The following TMEM196 variants were observed in gnomAD, a reference collection of about 807,000 sequenced individuals.
TMEM196 encodes transmembrane protein 196.
Under a neutral mutation model 20.0 loss-of-function variants are expected in TMEM196, and 17 were observed. The observed-to-expected ratio is 0.85, with a 90% CI of 0.58 to 1.27. The LOEUF is 1.27. Among genes scored for constraint, TMEM196 ranks in the 50% most tolerant of loss-of-function variants. The probability of loss-of-function intolerance (pLI) is 0.00; values close to 1 mark genes in which losing one functional copy is unlikely to be tolerated. For missense variants in TMEM196, 267 were observed against 223.0 expected (o/e 1.20, Z -1.26); for synonymous variants, 113 against 88.9 (o/e 1.27, Z -1.52).
At chr7:19,754,594 A>T (rs924729311) in intron 1 of TMEM196, among the ~76,000 whole-genome samples, 1 of 152,196 alleles carries the variant, frequency 6.6e-6, no homozygotes, top group Non-Finnish European at 1.5e-5. Flanking sequence ...GGTTTTGATG[A>T]AATTCTTTTC....
chr7:19,722,261 G>T, intron 4 of TMEM196, 127 bp from the exon 5 acceptor site: 1 of 699,318 alleles, frequency 1.4e-6, no homozygotes, highest in Non-Finnish European at 2.4e-6. Flanking sequence ...GAAAGACAAG[G>T]ATATTGCTGT....
intron 1 of TMEM196, among the ~76,000 whole-genome samples, chr7:19,738,368 TG>T (rs1300460685): frequency 2.0e-5 from 3 of 152,132 alleles, no homozygotes; most frequent in African/African-American, 7.2e-5. Context: ...TAGATACAGA[TG>T]GTTACATATA....
chr7:19,755,953 T>A (rs1785192334), intron 1 of TMEM196, among the ~76,000 whole-genome samples: 1 of 151,818 alleles, frequency 6.6e-6, no homozygotes, highest in African/African-American at 2.4e-5. Flanking sequence ...CGCTTGAACC[T>A]GGTGGGCAGA....
In TMEM196 at chr7:19,719,415, A is replaced by G. The variant is rs1464488407; in HGVS notation, c.*2713T>C. On this transcript the variant is annotated 3_prime_UTR_variant, in exon 5 of 5. Coordinates refer to ENST00000405844, the MANE Select transcript of TMEM196 (RefSeq NM_001363562.2). The stretch of plus-strand genomic sequence containing the variant: ...TGTGTGTGTATATACACATATGTGT[A>G]TGTATATGCATATATATACACACAT... The G allele has an allele frequency of 6.6e-6, 1 of 152,034 alleles. No homozygotes were observed. Among genetic ancestry groups the G allele is most frequent in the African/African-American group, 2.4e-5 (1 of 41,424 alleles). 9.4% of individuals were successfully genotyped at this position (152,034 alleles called of 1,614,324 possible). A position where few individuals can be genotyped will look rare whatever the true frequency, so the allele number is the denominator to read the frequency against.
At chr7:19,735,019 C>G (rs929594513) in intron 1 of TMEM196, among the ~76,000 whole-genome samples, 1 of 151,940 alleles carries the variant, frequency 6.6e-6, no homozygotes, top group African/African-American at 2.4e-5. Context: ...ATACCCCAGG[C>G]GGTTTTGGCA....
chr7:19,771,322 T>C (rs1464725757), intron 1 of TMEM196, among the ~76,000 whole-genome samples: 2 of 152,196 alleles, frequency 1.3e-5, no homozygotes, highest in Non-Finnish European at 1.5e-5. Flanking sequence ...GAATTCAATG[T>C]TAGGATTGAA....
chr7:19,728,954 C>A (rs1476144805), intron 2 of TMEM196, among the ~76,000 whole-genome samples: 2 of 152,206 alleles, frequency 1.3e-5, no homozygotes, highest in Non-Finnish European at 2.9e-5. Context: ...TGCTGCTTCG[C>A]AAAACTTGCT....
intron 1 of TMEM196, among the ~76,000 whole-genome samples, chr7:19,733,023 A>G (rs1452565558): frequency 3.3e-5 from 5 of 152,130 alleles, no homozygotes; most frequent in Non-Finnish European, 5.9e-5. Context: ...AGAAGATGGG[A>G]TGTTTAAATC....
chr7:19,762,136 C>T (rs574833937), intron 1 of TMEM196, among the ~76,000 whole-genome samples: 154 of 152,074 alleles, frequency 1.0e-3, no homozygotes, highest in African/African-American at 3.7e-3. Context: ...ATAAGGGGAA[C>T]TTTGAATTTG....
intron 1 of TMEM196, among the ~76,000 whole-genome samples, chr7:19,750,516 C>A (rs568047749): frequency 1.3e-5 from 2 of 152,086 alleles, no homozygotes; most frequent in Admixed American, 6.6e-5. Context: ...AACTCCTTAA[C>A]ACATGTCAGC....
At position 19,739,640 on chromosome 7, in the gene TMEM196, C is replaced by T. The variant is rs569090530; in HGVS notation, c.148-10202G>A. Among the ~76,000 whole-genome samples, 19 of 152,016 alleles carry T rather than the reference C, an allele frequency of 1.2e-4. No individual in the cohort carries two copies. The East Asian group carries it at 2.9e-3, about 23-fold the overall frequency. Reference sequence around the variant, plus strand: ...CTAATTTCCCTAATGTAAATGAACTCCTAAAAACTAATAAGGAAAAGATAA... The same window carrying T: ...CTAATTTCCCTAATGTAAATGAACTTCTAAAAACTAATAAGGAAAAGATAA... On this transcript the variant is annotated intron_variant, in intron 1 of 4. Coordinates refer to ENST00000405844, the MANE Select transcript of TMEM196 (RefSeq NM_001363562.2).
intron 1 of TMEM196, among the ~76,000 whole-genome samples, chr7:19,729,699 T>G (rs2128015858): frequency 6.6e-6 from 1 of 152,270 alleles, no homozygotes; most frequent in Non-Finnish European, 1.5e-5. Context: ...GTAAATGAAT[T>G]TAGAGCTTTG....
intron 1 of TMEM196, among the ~76,000 whole-genome samples, chr7:19,769,952 G>A (rs1002807817): frequency 3.0e-4 from 45 of 152,172 alleles, no homozygotes; most frequent in African/African-American, 1.1e-3. Context: ...TATTTAATTT[G>A]TTCCTTTTAA....
At chr7:19,762,815 A>G (rs530974441) in intron 1 of TMEM196, among the ~76,000 whole-genome samples, 6 of 152,306 alleles carry the variant, frequency 3.9e-5, no homozygotes, top group African/African-American at 1.4e-4. Flanking sequence ...CAGTGACCCT[A>G]GGGGATTAAG....
intron 1 of TMEM196, among the ~76,000 whole-genome samples, chr7:19,734,983 G>A (rs982040361): frequency 1.3e-5 from 2 of 152,058 alleles, no homozygotes; most frequent in African/African-American, 2.4e-5. Context: ...TGGAAAATAC[G>A]TTATTGAAAA....
intron 1 of TMEM196, among the ~76,000 whole-genome samples, chr7:19,770,583 A>G (rs1785828983): frequency 6.6e-6 from 1 of 152,206 alleles, no homozygotes; most frequent in Admixed American, 6.5e-5. Context: ...CCATTCATTC[A>G]GTCAGATGTA....
intron 1 of TMEM196, among the ~76,000 whole-genome samples, chr7:19,743,381 T>G (rs1034206418): frequency 2.0e-5 from 3 of 152,160 alleles, no homozygotes; most frequent in Non-Finnish European, 4.4e-5. Flanking sequence ...TCTAGAGCAG[T>G]TGATTTGAGG....
chr7:19,769,644 A>G (rs1164144204), intron 1 of TMEM196, among the ~76,000 whole-genome samples: 1 of 152,138 alleles, frequency 6.6e-6, no homozygotes, highest in Non-Finnish European at 1.5e-5. Context: ...TCAGCCCTTT[A>G]TATTCCCAAG....
Position 19,725,581 on chromosome 7 carries a change from T to C in TMEM196, c.392A>G (p.Tyr131Cys). Residue 131 changes from tyrosine to cysteine, a missense_variant, in exon 3 of 5, where the codon TAT becomes TGT. Physicochemically the swap from Tyr to Cys is radical, Grantham distance 194. Coordinates refer to ENST00000405844, the MANE Select transcript of TMEM196 (RefSeq NM_001363562.2). The stretch of plus-strand genomic sequence containing the variant: ...TTCTGAGAACATCCTCCTCTGTTCA[T>C]AACTGGCTAGTCGACAAGTGAGCCA... ...SSWLTCRLASYEQRRMFSERE... is the reference protein window; with the variant it reads ...SSWLTCRLASCEQRRMFSERE... 3 of 1,614,066 alleles carry C rather than the reference T, an allele frequency of 1.9e-6. No homozygotes were observed. The highest frequency in any genetic ancestry group is 2.5e-6 in the Non-Finnish European group (3 of 1,179,988).
Sources: allele counts gnomAD v4.1 joint callset (sites outside exome capture counted in the v4.1 genomes callset), GRCh38; gene constraint gnomAD v4.1.1; transcripts MANE v1.5; gene names NCBI Gene and HGNC (gene_info 2026-07-23, HGNC 2026-07-21).